The following EPHA2 variants were observed in gnomAD, a reference collection of about 807,000 sequenced individuals.
The protein encoded by EPHA2 is EPH receptor A2.
A neutral mutation model predicts 104.9 loss-of-function variants in EPHA2; 54 were observed. That is an observed-to-expected ratio of 0.51 (90% confidence interval 0.41 to 0.65). EPHA2 has a LOEUF of 0.65. EPHA2 is among the 30% of genes least tolerant of loss of function. The probability of loss-of-function intolerance (pLI) is 0.00; values close to 1 mark genes in which losing one functional copy is unlikely to be tolerated. For missense variants in EPHA2, 1,117 were observed against 1,369.5 expected (o/e 0.82, Z 2.91); for synonymous variants, 560 against 559.1 (o/e 1.00, Z -0.02).
chr1:16,150,010 G>T lies in EPHA2; in HGVS notation c.153+886C>A, dbSNP rs1207309682. 6.6e-6 allele frequency among the ~76,000 whole-genome samples: 1 copy of T among 152,144 alleles called. No individual in the cohort carries two copies. Among genetic ancestry groups the T allele is most frequent in the Non-Finnish European group, 1.5e-5 (1 of 68,022 alleles). ...CCCTTGGGCCTCAGTTTCCCACTCT[G>T]TATAAAGACTGGGTTGTATTAGGTG... On this transcript the variant is annotated intron_variant, in intron 2 of 16. Coordinates refer to ENST00000358432, the MANE Select transcript of EPHA2 (RefSeq NM_004431.5). This position sits in a 1 kb window ranked among gnomAD's most constrained non-coding sequence, Gnocchi z 4.8.
At position 16,137,682 on chromosome 1, in the gene EPHA2, G is replaced by A. The variant is rs56127127; in HGVS notation, c.1312+171C>T. ...TTTGTGTTGGGCCGCATTCAATGTCGGCTGGGGCCACATGTGGCCCACGGG... is the reference window on the plus strand; with the variant it reads ...TTTGTGTTGGGCCGCATTCAATGTCAGCTGGGGCCACATGTGGCCCACGGG... On this transcript the variant is annotated intron_variant, in intron 5 of 16. Transcript: ENST00000358432. Among the ~76,000 whole-genome samples the A allele has an allele frequency of 5.3e-5, 8 of 152,326 alleles. No homozygotes were observed. In the East Asian group the frequency reaches 1.3e-3, roughly 26 times the overall value.
rs1460278878 is a variant in EPHA2 at position 16,134,443 on chromosome 1, A to T, written c.1682+25T>A. 8 of 1,610,440 alleles carry T rather than the reference A, an allele frequency of 5.0e-6. No individual in the cohort carries two copies. Among genetic ancestry groups the T allele is most frequent in the Non-Finnish European group, 6.8e-6 (8 of 1,176,882 alleles). ...CATTTTCCCACCCAAGCCCATGTGGAGCCAGGGTATGGGCTCTGACGAACC... is the reference window on the plus strand; with the variant it reads ...CATTTTCCCACCCAAGCCCATGTGGTGCCAGGGTATGGGCTCTGACGAACC... On this transcript the variant is annotated intron_variant, in intron 8 of 16. Coordinates refer to ENST00000358432, the MANE Select transcript of EPHA2 (RefSeq NM_004431.5). This position sits in a 1 kb window ranked among gnomAD's most constrained non-coding sequence, Gnocchi z 4.5.
At chr1:16,153,869 A>C (rs2025093795) in intron 1 of EPHA2, among the ~76,000 whole-genome samples, 1 of 151,978 alleles carries the variant, frequency 6.6e-6, no homozygotes. Context: ...GATTCCCAGG[A>C]ACTGAAACCA....
Position 16,134,318 on chromosome 1 carries a change from TCTAACTC to T in EPHA2, c.1682+143_1682+149del. On this transcript the variant is annotated intron_variant, in intron 8 of 16. Coordinates refer to ENST00000358432, the MANE Select transcript of EPHA2 (RefSeq NM_004431.5). This position sits in a 1 kb window ranked among gnomAD's most constrained non-coding sequence, Gnocchi z 4.5. ...GCGTGCCAGGCACTTCGCTACACACTCTAACTCGTATATCCTCGCACCATCCGGAGGC... is the reference window on the plus strand; with the variant it reads ...GCGTGCCAGGCACTTCGCTACACACTGTATATCCTCGCACCATCCGGAGGC... The T allele has an allele frequency of 1.1e-6, 1 of 915,814 alleles. No individual in the cohort carries two copies. Among genetic ancestry groups the T allele is most frequent in the South Asian group, 1.4e-5 (1 of 69,370 alleles). 56.7% of individuals were successfully genotyped at this position (915,814 alleles called of 1,614,324 possible).
At chr1:16,145,760 G>A (rs569818685) in intron 3 of EPHA2, among the ~76,000 whole-genome samples, 79 of 152,314 alleles carry the variant, frequency 5.2e-4, no homozygotes, top group Non-Finnish European at 7.4e-4. Flanking sequence ...GGATTCCAAA[G>A]GAACTGGTCA....
chr1:16,134,510 A>G lies in EPHA2; in HGVS notation c.1640T>C (p.Leu547Pro). ...GCCAACTCCTGCCAGCACCAGAAGC[A>G]GGACCACACCGACAGCCACGCCGCC... Reference protein sequence around the residue: ...VIGGVAVGVVLLLVLAGVGFF... With the variant: ...VIGGVAVGVVPLLVLAGVGFF... Residue 547 changes from leucine to proline, a missense_variant, in exon 8 of 17, where the codon CTG becomes CCG. By Grantham distance (98) the Leu-to-Pro change is moderately conservative. Around this residue, in one of 3 missense-constraint regions of EPHA2, gnomAD observed 664 missense variants for 784.8 expected, o/e 0.85. Transcript: ENST00000358432. This position sits in a 1 kb window ranked among gnomAD's most constrained non-coding sequence, Gnocchi z 4.5. The G allele has an allele frequency of 2.5e-6, 4 of 1,614,126 alleles. No homozygotes were observed. Among genetic ancestry groups the G allele is most frequent in the Non-Finnish European group, 3.4e-6 (4 of 1,180,036 alleles).
intron 1 of EPHA2, among the ~76,000 whole-genome samples, chr1:16,152,786 C>T (rs1281197455): frequency 6.6e-6 from 1 of 152,212 alleles, no homozygotes; most frequent in Admixed American, 6.5e-5. Context: ...CCTTTCCAGC[C>T]TAGGCCTGGC....
At chr1:16,143,926 G>A (rs1018403523) in intron 3 of EPHA2, among the ~76,000 whole-genome samples, 2 of 152,138 alleles carry the variant, frequency 1.3e-5, no homozygotes, top group Non-Finnish European at 2.9e-5. Flanking sequence ...CTGCAGAAGG[G>A]GGGCTGCCCC....
Position 16,148,611 on chromosome 1 carries a change from T to C in EPHA2, c.590A>G (p.Tyr197Cys), listed in dbSNP as rs935762807. The C allele has an allele frequency of 6.8e-6, 11 of 1,609,244 alleles. No homozygotes were observed. The highest frequency in any genetic ancestry group is 8.5e-6 in the Non-Finnish European group (10 of 1,179,976). Reference protein sequence around the residue: ...ACVALLSVRVYYKKCPELLQG... With the variant: ...ACVALLSVRVCYKKCPELLQG... Reference sequence around the variant, plus strand: ...CAGCAGCTCGGGGCACTTCTTGTAGTAGACACGGACGGAGAGCAGCGCCAC... The same window carrying C: ...CAGCAGCTCGGGGCACTTCTTGTAGCAGACACGGACGGAGAGCAGCGCCAC... Residue 197 changes from tyrosine (Y) to cysteine (C), a missense_variant, in exon 3 of 17, where the codon TAC becomes TGC. Around this residue, in one of 3 missense-constraint regions of EPHA2, gnomAD observed 664 missense variants for 784.8 expected, o/e 0.85. Transcript: ENST00000358432. The surrounding 1 kb of genome is among the most constrained non-coding windows in gnomAD (Gnocchi z 4.9).
chr1:16,155,654 A>T, intron 1 of EPHA2, 194 bp downstream of exon 1: 1 of 441,522 alleles, frequency 2.3e-6, no homozygotes, highest in Non-Finnish European at 3.9e-6. Context: ...GAAACCGCTT[A>T]TTCTCCGGAG....
At chr1:16,127,811 C>T (rs1411923553) in intron 16 of EPHA2, among the ~76,000 whole-genome samples, 1 of 152,176 alleles carries the variant, frequency 6.6e-6, no homozygotes, top group African/African-American at 2.4e-5. Context: ...CAACAACGCG[C>T]ACTGCAGCGC....
At chr1:16,126,442 C>T (rs764318608) in intron 16 of EPHA2, among the ~76,000 whole-genome samples, 8 of 152,208 alleles carry the variant, frequency 5.3e-5, no homozygotes, top group African/African-American at 9.6e-5. Context: ...CCGGGAGCCC[C>T]GGCACAGGCG....
rs1029685582 is a variant in EPHA2 at position 16,135,881 on chromosome 1, A to AT, written c.1313-112dup. The AT allele has an allele frequency of 5.0e-5, 32 of 644,444 alleles. No individual in the cohort carries two copies. Among genetic ancestry groups the AT allele is most frequent in the South Asian group, 1.0e-4 (6 of 58,592 alleles). The allele number at this position is 644,444 out of a possible 1,614,324, so 39.9% of individuals were successfully genotyped here. ...CATCCTCCACAGCCCAGATTCTTTC[A>AT]TTTTTTTGAGACAGGATCTCGCTCT... On this transcript the variant is annotated intron_variant, in intron 5 of 16. Coordinates refer to ENST00000358432, the MANE Select transcript of EPHA2 (RefSeq NM_004431.5). This position sits in a 1 kb window ranked among gnomAD's most constrained non-coding sequence, Gnocchi z 4.3.
At position 16,150,999 on chromosome 1, in the gene EPHA2, G is replaced by C. The variant is rs756033292; in HGVS notation, c.86-36C>G. 1.9e-6 allele frequency: 3 copies of C among 1,607,474 alleles called. No individual in the cohort carries two copies. Among genetic ancestry groups the C allele is most frequent in the Non-Finnish European group, 2.6e-6 (3 of 1,174,332 alleles). Reference sequence around the variant, plus strand: ...GAAGGGAGAGGGGGTGAGCCTGGGGGTGTCTTCAGGAGTCAGACCATGGCA... The same window carrying C: ...GAAGGGAGAGGGGGTGAGCCTGGGGCTGTCTTCAGGAGTCAGACCATGGCA... On this transcript the variant is annotated intron_variant, in intron 1 of 16. Coordinates refer to ENST00000358432, the MANE Select transcript of EPHA2 (RefSeq NM_004431.5). This position sits in a 1 kb window ranked among gnomAD's most constrained non-coding sequence, Gnocchi z 4.8.
rs746762443 is a variant in EPHA2 at position 16,130,382 on chromosome 1, G to A, written c.2513C>T (p.Thr838Ile). 6.4e-7 allele frequency: 1 copy of A among 1,556,456 alleles called. No individual in the cohort carries two copies. The highest frequency in any genetic ancestry group is 8.7e-7 in the Non-Finnish European group (1 of 1,146,986). Residue 838 changes from threonine (T) to isoleucine (I), a missense_variant, in exon 15 of 17, where the codon ACA becomes ATA. By Grantham distance (89) the Thr-to-Ile change is moderately conservative. This residue lies in a region of EPHA2 where 340 missense variants were observed against 480.5 expected (regional missense o/e 0.71). Transcript: ENST00000358432. The surrounding 1 kb of genome is among the most constrained non-coding windows in gnomAD (Gnocchi z 4.5). Reference protein sequence around the residue: ...KAINDGFRLPTPMDCPSAIYQ... With the variant: ...KAINDGFRLPIPMDCPSAIYQ... ...GATGGCGGAGGGGCAGTCCATGGGTGTGGGGAGCCGGAAGCCATCATTGAT... is the reference window on the plus strand; with the variant it reads ...GATGGCGGAGGGGCAGTCCATGGGTATGGGGAGCCGGAAGCCATCATTGAT...
At position 16,150,633 on chromosome 1, in the gene EPHA2, C is replaced by T. The variant is rs889801936; in HGVS notation, c.153+263G>A. 5.9e-5 allele frequency among the ~76,000 whole-genome samples: 9 copies of T among 152,208 alleles called. No homozygotes were observed. Among genetic ancestry groups the T allele is most frequent in the African/African-American group, 1.7e-4 (7 of 41,460 alleles). On this transcript the variant is annotated intron_variant, in intron 2 of 16. Transcript: ENST00000358432. The surrounding 1 kb of genome is among the most constrained non-coding windows in gnomAD (Gnocchi z 4.8). ...TTCTGGAACATGGAAGGCCCAGCTCCGCTAGGGCCTTCTCTGTCTCCCCAG... is the reference window on the plus strand; with the variant it reads ...TTCTGGAACATGGAAGGCCCAGCTCTGCTAGGGCCTTCTCTGTCTCCCCAG...
intron 3 of EPHA2, among the ~76,000 whole-genome samples, chr1:16,140,334 C>A (rs763445512): frequency 1.3e-5 from 2 of 152,224 alleles, no homozygotes; most frequent in Non-Finnish European, 2.9e-5. Context: ...CCAGGTCATG[C>A]AGCAGGACAG....
chr1:16,125,122 T>G lies in EPHA2; in HGVS notation c.*93A>C, dbSNP rs2024440092. ...GGGGGAGGAAAGAACTAGAAATAAA[T>G]AAAGTCCCCAGTGGCCCAGCATGGC... On this transcript the variant is annotated 3_prime_UTR_variant, in exon 17 of 17. Coordinates refer to ENST00000358432, the MANE Select transcript of EPHA2 (RefSeq NM_004431.5). The surrounding 1 kb of genome is among the most constrained non-coding windows in gnomAD (Gnocchi z 4.9). The G allele has an allele frequency of 2.5e-6, 3 of 1,180,934 alleles. No individual in the cohort carries two copies. The highest frequency in any genetic ancestry group is 2.0e-5 in the Admixed American group (1 of 50,890). 73.2% of individuals were successfully genotyped at this position (1,180,934 alleles called of 1,614,324 possible). A position where few individuals can be genotyped will look rare whatever the true frequency, so the allele number is the denominator to read the frequency against.
chr1:16,149,305 C>T (rs1220258693), intron 2 of EPHA2, among the ~76,000 whole-genome samples: 1 of 152,118 alleles, frequency 6.6e-6, no homozygotes, highest in African/African-American at 2.4e-5. Context: ...TCCGGGACTC[C>T]ATGTGACCTC....
Sources: allele counts gnomAD v4.1 joint callset (sites outside exome capture counted in the v4.1 genomes callset), GRCh38; gene constraint gnomAD v4.1.1; regional missense constraint gnomAD v4.1.1; non-coding constraint Gnocchi (gnomAD v3.1); transcripts MANE v1.5; gene names NCBI Gene and HGNC (gene_info 2026-07-23, HGNC 2026-07-21).